Variants in IYD observed in about 807,000 individuals in gnomAD.
IYD encodes the protein iodotyrosine deiodinase, also known as iodotyrosine deiodinase 1.
IYD carries 25 observed loss-of-function variants against 28.4 expected under a neutral mutation model. That is an observed-to-expected ratio of 0.88 (90% CI 0.64 to 1.23). The LOEUF is 1.23. Ranked by LOEUF, IYD falls within the 50% of genes most tolerant of loss-of-function variation. The pLI, the probability that IYD is intolerant of heterozygous loss-of-function variation, is 0.00. For missense variants in IYD, 352 were observed against 357.9 expected, an observed-to-expected ratio of 0.98 and a Z score of 0.13; for synonymous variants, 140 against 130.8, an observed-to-expected ratio of 1.07 and a Z score of -0.48.
chr6:150,396,492 C>T (rs1164999960), intron 4 of IYD: 2 of 699,110 alleles, frequency 2.9e-6, no homozygotes, highest in South Asian at 3.0e-5. Context: ...TAGAGACATA[C>T]AAAATTCAGT....
chr6:150,371,689 C>T (rs572950540), intron 1 of IYD, among the ~76,000 whole-genome samples: 1 of 152,316 alleles, frequency 6.6e-6, no homozygotes, highest in South Asian at 2.1e-4. Context: ...TATCTTTATA[C>T]AGAGGAATGA....
chr6:150,383,017 C>G (rs1315868192), intron 1 of IYD, among the ~76,000 whole-genome samples: 1 of 152,112 alleles, frequency 6.6e-6, no homozygotes, highest in African/African-American at 2.4e-5. Flanking sequence ...TCATTGTTTG[C>G]TAGTCATTCT....
Position 150,400,531 on chromosome 6 carries a change from TAC to T in IYD, c.*2296_*2297del, listed in dbSNP as rs1778477990. On this transcript the variant is annotated 3_prime_UTR_variant, in exon 5 of 5. Transcript: ENST00000344419. ...CACCTAATTTTCAGTTTACAGTAAATACAGAGGATAAAGAAGTTAATGGCATG... is the reference window on the plus strand; with the variant it reads ...CACCTAATTTTCAGTTTACAGTAAATAGAGGATAAAGAAGTTAATGGCATG... 6.6e-6 allele frequency: 1 copy of T among 152,100 alleles called. No individual in the cohort carries two copies. Among genetic ancestry groups the T allele is most frequent in the African/African-American group, 2.4e-5 (1 of 41,420 alleles). 9.4% of individuals were successfully genotyped at this position (152,100 alleles called of 1,614,324 possible).
chr6:150,372,489 A>T (rs190561861), intron 1 of IYD, among the ~76,000 whole-genome samples: 1 of 20,690 alleles, frequency 4.8e-5, no homozygotes, highest in Non-Finnish European at 9.6e-5. Flanking sequence ...GTCCATGCTT[A>T]TTAGACATGT....
chr6:150,398,892 A>T lies in IYD; in HGVS notation c.*655A>T, dbSNP rs1274594413. 1 of 152,280 alleles carries T rather than the reference A, an allele frequency of 6.6e-6. No homozygotes were observed. Among genetic ancestry groups the T allele is most frequent in the African/African-American group, 2.4e-5 (1 of 41,422 alleles). 9.4% of individuals were successfully genotyped at this position (152,280 alleles called of 1,614,324 possible). A position where few individuals can be genotyped will look rare whatever the true frequency, so the allele number is the denominator to read the frequency against. ...CCCCATCTCTACTAAAAATACAAAA[A>T]ATTAGCTGGGCATGCACTTGTAATT... is the stretch of plus-strand genomic sequence containing the variant. On this transcript the variant is annotated 3_prime_UTR_variant, in exon 5 of 5. Transcript: ENST00000344419.
At chr6:150,397,581 AAAAAAC>A (rs1419682659) in intron 4 of IYD, among the ~76,000 whole-genome samples, 3,284 of 114,314 alleles carry the variant, frequency 0.029, 171 homozygotes, top group African/African-American at 0.15. Flanking sequence ...AAAAAAAAAC[AAAAAAC>A]AAAACCGAAT....
In IYD at chr6:150,397,583, A is replaced by AAC. The variant is rs1360432196; in HGVS notation, c.688-471_688-470insCA. On this transcript the variant is annotated intron_variant, in intron 4 of 4. Transcript: ENST00000344419. ...ATACTTTGTCTCAAAAAAAAAACAA[A>AAC]AAACAAAACCGAATATGTATATTTA... Among the ~76,000 whole-genome samples the AAC allele has an allele frequency of 6.9e-5, 8 of 116,238 alleles. No homozygotes were observed. In the East Asian group the frequency reaches 2.5e-3, roughly 36 times the overall value. 76.3% of individuals were successfully genotyped at this position (116,238 alleles called of 152,430 possible). A position where few individuals can be genotyped will look rare whatever the true frequency, so the allele number is the denominator to read the frequency against.
At chr6:150,378,520 T>G (rs965940385) in intron 1 of IYD, among the ~76,000 whole-genome samples, 9 of 152,210 alleles carry the variant, frequency 5.9e-5, no homozygotes, top group Non-Finnish European at 1.2e-4. Flanking sequence ...CATCATTTTT[T>G]ATGGCTGCAT....
chr6:150,397,569 C>CAAAAAA (rs67591922), intron 4 of IYD, among the ~76,000 whole-genome samples: 1 of 111,698 alleles, frequency 9.0e-6, no homozygotes, highest in Admixed American at 9.4e-5. Context: ...TACTTTGTCT[C>CAAAAAA]AAAAAAAAAA....
At chr6:150,375,568 A>G (rs617594) in intron 1 of IYD, among the ~76,000 whole-genome samples, 108,595 of 152,020 alleles carry the variant, frequency 0.71, 40,102 homozygotes, top group Middle Eastern at 0.83. Flanking sequence ...GCAAACGGTC[A>G]GTATCTACTA....
intron 1 of IYD, among the ~76,000 whole-genome samples, chr6:150,369,427 GC>G (rs1249719020): frequency 6.6e-6 from 1 of 152,172 alleles, no homozygotes; most frequent in South Asian, 2.1e-4. Context: ...TATTTTTGAT[GC>G]CCAGTGAAAA....
intron 4 of IYD, chr6:150,395,846 C>T (rs977131859): frequency 1.2e-5 from 7 of 593,982 alleles, no homozygotes; most frequent in Non-Finnish European, 2.1e-5. Context: ...CTACTCATTG[C>T]TTTTACTTAG....
At chr6:150,397,583 AAAAC>A (rs1562323571) in intron 4 of IYD, among the ~76,000 whole-genome samples, 3,378 of 116,228 alleles carry the variant, frequency 0.029, 203 homozygotes, top group African/African-American at 0.15. Context: ...AAAAAAACAA[AAAAC>A]AAAACCGAAT....
chr6:150,370,224 C>T (rs374148897), intron 1 of IYD, among the ~76,000 whole-genome samples: 7,076 of 150,248 alleles, frequency 0.047, 547 homozygotes, highest in African/African-American at 0.16. Context: ...TGTGCGCGTG[C>T]GTGTGTGTGT....
chr6:150,394,098 G>T lies in IYD; in HGVS notation c.531-1G>T. Reference sequence around the variant, plus strand: ...ATCCTGAATCTCTTTTCTCTTCACAGAACCAACTGGATTAAAGAGTACTTG... The same window carrying T: ...ATCCTGAATCTCTTTTCTCTTCACATAACCAACTGGATTAAAGAGTACTTG... On this transcript the variant is annotated splice_acceptor_variant, in intron 3 of 4. Coordinates refer to ENST00000344419, the MANE Select transcript of IYD (RefSeq NM_203395.3). LOFTEE classifies it high-confidence loss of function. The T allele has an allele frequency of 6.2e-7, 1 of 1,614,026 alleles. No homozygotes were observed. Among genetic ancestry groups the T allele is most frequent in the South Asian group, 1.1e-5 (1 of 91,064 alleles).
rs1279363084 is a variant in IYD, at chr6:150,403,167, C to A, written c.*4930C>A. The A allele has an allele frequency of 1.3e-5, 2 of 152,160 alleles. No homozygotes were observed. The highest frequency in any genetic ancestry group is 2.9e-5 in the Non-Finnish European group (2 of 68,024). 9.4% of individuals were successfully genotyped at this position (152,160 alleles called of 1,614,324 possible). A position where few individuals can be genotyped will look rare whatever the true frequency, so the allele number is the denominator to read the frequency against. The stretch of plus-strand genomic sequence containing the variant: ...ATTTTAAAAGACATTTTGTAAGCAT[C>A]TTTTAGGAATATCAGTAAGTGGAAG... On this transcript the variant is annotated 3_prime_UTR_variant, in exon 5 of 5. Transcript: ENST00000344419.
intron 1 of IYD, among the ~76,000 whole-genome samples, chr6:150,388,912 G>A (rs1778002622): frequency 6.6e-6 from 1 of 152,040 alleles, no homozygotes; most frequent in Non-Finnish European, 1.5e-5. Context: ...ATGTTGACCA[G>A]GCTGGTCTCG....
chr6:150,372,242 C>T (rs1020631758), intron 1 of IYD, among the ~76,000 whole-genome samples: 6 of 151,262 alleles, frequency 4.0e-5, no homozygotes, highest in Admixed American at 6.6e-5. Context: ...GTCAGAGAAT[C>T]GGCATGTGTG....
At chr6:150,370,018 A>G in intron 1 of IYD, 1 of 702,168 alleles carries the variant, frequency 1.4e-6, no homozygotes, top group African/African-American at 1.7e-5. Context: ...GGCAGGTAGG[A>G]AGGGAGAGAG....
Sources: gnomAD v4.1 joint callset for allele counts (sites outside exome capture counted in the v4.1 genomes callset) on GRCh38, gnomAD v4.1.1 for gene constraint, MANE v1.5 for transcripts, NCBI Gene and HGNC (gene_info 2026-07-23, HGNC 2026-07-21) for gene names.